Variants in POMGNT1 observed in about 807,000 individuals in gnomAD.
The protein encoded by POMGNT1 is protein O-linked-mannose beta-1,2-N-acetylglucosaminyltransferase 1.
A neutral mutation model predicts 95.6 loss-of-function variants in POMGNT1; 67 were observed. The ratio of observed to expected loss-of-function variants is 0.70; its 90% CI spans 0.58 to 0.86. The LOEUF is 0.86. POMGNT1 is among the 40% of genes least tolerant of loss of function. The pLI is 0.00. For missense variants in POMGNT1, 719 were observed against 855.2 expected (o/e 0.84, Z 1.99); for synonymous variants, 298 against 317.9 (o/e 0.94, Z 0.66).
chr1:46,195,764 G>T, intron 6 of POMGNT1, 47 bp downstream of exon 6: 1 of 1,512,424 alleles, frequency 6.6e-7, no homozygotes, highest in Non-Finnish European at 9.0e-7. Context: ...CTAGAAGCAG[G>T]GTTGGAGCTA....
intron 21 of POMGNT1, 27 bp downstream of exon 21, chr1:46,189,431 T>C (rs1657566281): frequency 1.9e-6 from 3 of 1,613,450 alleles, no homozygotes; most frequent in African/African-American, 2.7e-5. Flanking sequence ...GGCCTCCTGT[T>C]TCCCAGGGCA....
chr1:46,193,281 C>T, intron 12 of POMGNT1, 24 bp downstream of exon 12: 1 of 1,613,840 alleles, frequency 6.2e-7, no homozygotes, highest in Non-Finnish European at 8.5e-7. Context: ...GTGTCTGCCC[C>T]ATCCCCACTT....
At chr1:46,191,965 A>C (rs549459735) in intron 17 of POMGNT1, 133 bp downstream of exon 17, 52 of 1,385,652 alleles carry the variant, frequency 3.8e-5, no homozygotes, top group Admixed American at 9.9e-5. Flanking sequence ...AAAGAAACTG[A>C]GGCAAAAATA....
chr1:46,191,726 C>T (rs553658096), intron 17 of POMGNT1: 3 of 341,008 alleles, frequency 8.8e-6, no homozygotes, highest in South Asian at 7.0e-5. Context: ...GCTTCGCCTC[C>T]TGGGTTCACG....
rs7552407 is a variant in POMGNT1 at position 46,191,603 on chromosome 1, C to T, written c.1539+495G>A. The T allele has an allele frequency of 5.4e-3, 1,271 of 234,886 alleles. 20 individuals are homozygous for T. The highest frequency in any genetic ancestry group is 0.027 in the African/African-American group (1,197 of 44,182). The allele number at this position is 234,886 out of a possible 1,614,324, so 14.6% of individuals were successfully genotyped here. A position where few individuals can be genotyped will look rare whatever the true frequency, so the allele number is the denominator to read the frequency against. On this transcript the variant is annotated intron_variant, in intron 17 of 21. Transcript: ENST00000371984. ...TACATATATTGACTCATTTAAACCTCAAAATATCGTAACCCAGTGAGGTAG... is the reference window on the plus strand; with the variant it reads ...TACATATATTGACTCATTTAAACCTTAAAATATCGTAACCCAGTGAGGTAG...
At chr1:46,213,488 A>G (rs1485113587) in intron 1 of POMGNT1, among the ~76,000 whole-genome samples, 1 of 151,922 alleles carries the variant, frequency 6.6e-6, no homozygotes. Flanking sequence ...ATGACTTTAT[A>G]TATGGAGAAT....
At chr1:46,202,920 G>GTGTGT (rs540959987), upstream of POMGNT1, among the ~76,000 whole-genome samples, 27 of 64,504 alleles carry the variant, frequency 4.2e-4, no homozygotes, top group African/African-American at 1.1e-3. Flanking sequence ...GGGGGGGGGT[G>GTGTGT]GTGTGTGTGT....
chr1:46,210,959 T>A (rs1042077243), intron 1 of POMGNT1, among the ~76,000 whole-genome samples: 3 of 150,738 alleles, frequency 2.0e-5, no homozygotes, highest in Admixed American at 2.0e-4. Flanking sequence ...TTTTTTTTTT[T>A]GGTAGAGACA....
chr1:46,200,339 A>G (rs75810471), upstream of POMGNT1, among the ~76,000 whole-genome samples: 3,552 of 152,214 alleles, frequency 0.023, 165 homozygotes, highest in African/African-American at 0.081. Flanking sequence ...CCTGAGCTCC[A>G]GGCTGCCTGA....
At chr1:46,190,989 G>T in intron 17 of POMGNT1, 2 of 576,506 alleles carry the variant, frequency 3.5e-6, no homozygotes, top group South Asian at 3.4e-5. Flanking sequence ...CATTGCTGGA[G>T]AGCTCATGCT....
At chr1:46,195,712 G>A in intron 6 of POMGNT1, 99 bp downstream of exon 6, 1 of 1,103,562 alleles carries the variant, frequency 9.1e-7, no homozygotes, top group Non-Finnish European at 1.3e-6. Flanking sequence ...TTCCTTCAGA[G>A]AATCTTCCCA....
In POMGNT1 at chr1:46,193,913, T is replaced by C; in HGVS notation, c.892A>G (p.Lys298Glu). 6.2e-7 allele frequency: 1 copy of C among 1,614,148 alleles called. No homozygotes were observed. The highest frequency in any genetic ancestry group is 8.5e-7 in the Non-Finnish European group (1 of 1,180,010). Reference sequence around the variant, plus strand: ...ACAGCCACAGGCACATTGAGGACCTTGTTGTCTGGGAGCTGTGGGAGAAAT... The same window carrying C: ...ACAGCCACAGGCACATTGAGGACCTCGTTGTCTGGGAGCTGTGGGAGAAAT... ...EFSPDPLPDN[K>E]VLNVPVAVIA... is the part of the protein sequence containing the mutation. Residue 298 changes from lysine (K) to glutamate (E), a missense_variant, in exon 10 of 22, where the codon AAG becomes GAG. Coordinates refer to ENST00000371984, the MANE Select transcript of POMGNT1 (RefSeq NM_017739.4).
At chr1:46,198,980 C>T (rs557400327), upstream of POMGNT1, among the ~76,000 whole-genome samples, 10 of 152,202 alleles carry the variant, frequency 6.6e-5, no homozygotes, top group African/African-American at 2.4e-4. Context: ...CTCGCTCTGT[C>T]GCCCAGGCTG....
intron 1 of POMGNT1, among the ~76,000 whole-genome samples, chr1:46,218,355 T>C (rs1659128486): frequency 1.3e-5 from 2 of 152,196 alleles, no homozygotes; most frequent in South Asian, 4.1e-4. Flanking sequence ...CACTGCACTC[T>C]AGCCTGAGTG....
At chr1:46,214,407 G>A (rs1334580113) in intron 1 of POMGNT1, among the ~76,000 whole-genome samples, 1 of 151,612 alleles carries the variant, frequency 6.6e-6, no homozygotes, top group African/African-American at 2.4e-5. Context: ...AATACAGAGA[G>A]ATACGAACTT....
chr1:46,204,904 T>C (rs1275651366), intron 1 of POMGNT1, among the ~76,000 whole-genome samples: 1 of 152,246 alleles, frequency 6.6e-6, no homozygotes, highest in Non-Finnish European at 1.5e-5. Flanking sequence ...CTGAGCACTT[T>C]ACATGATGCT....
chr1:46,202,919 T>TG (rs1404705565), upstream of POMGNT1, among the ~76,000 whole-genome samples: 4 of 13,506 alleles, frequency 3.0e-4, no homozygotes, highest in Non-Finnish European at 6.3e-4. Flanking sequence ...GGGGGGGGGG[T>TG]GGTGTGTGTG....
Position 46,196,866 on chromosome 1 carries a change from G to T in POMGNT1, c.236-17C>A, listed in dbSNP as rs1391226532. ...GGGCCTCATCTGTGGGGTACAACAG[G>T]TCATGGAGATAGTCTCCTCAGCAGA... On this transcript the variant is annotated splice_polypyrimidine_tract_variant and intron_variant, in intron 3 of 21. Coordinates refer to ENST00000371984, the MANE Select transcript of POMGNT1 (RefSeq NM_017739.4). The surrounding 1 kb of genome is among the most constrained non-coding windows in gnomAD (Gnocchi z 4.4). The T allele has an allele frequency of 6.2e-7, 1 of 1,614,200 alleles. No individual in the cohort carries two copies. The highest frequency in any genetic ancestry group is 1.7e-5 in the Admixed American group (1 of 60,034).
At chr1:46,200,770 A>G (rs1658510425), upstream of POMGNT1, among the ~76,000 whole-genome samples, 1 of 152,188 alleles carries the variant, frequency 6.6e-6, no homozygotes, top group South Asian at 2.1e-4. Flanking sequence ...CTTGCTTTCC[A>G]GCCAGTCTCC....
Sources: allele counts gnomAD v4.1 joint callset (sites outside exome capture counted in the v4.1 genomes callset), GRCh38; gene constraint gnomAD v4.1.1; non-coding constraint Gnocchi (gnomAD v3.1); transcripts MANE v1.5; gene names NCBI Gene and HGNC (gene_info 2026-07-23, HGNC 2026-07-21).